Variants in XPNPEP1 observed in about 807,000 individuals in gnomAD.
XPNPEP1 encodes X-prolyl aminopeptidase 1, also known as xaa-Pro aminopeptidase 1.
A neutral mutation model predicts 92.4 loss-of-function variants in XPNPEP1; 39 were observed. That is an observed-to-expected ratio of 0.42 (90% CI 0.33 to 0.55). XPNPEP1 has a LOEUF of 0.55. Ranked by LOEUF, XPNPEP1 falls within the 20% of genes least tolerant of loss-of-function variation. The pLI, the probability that XPNPEP1 is intolerant of heterozygous loss-of-function variation, is 0.08. For synonymous variants in XPNPEP1, 307 were observed against 299.4 expected (o/e 1.03, Z -0.26); for missense variants, 654 against 856.1 (o/e 0.76, Z 2.95).
intron 7 of XPNPEP1, among the ~76,000 whole-genome samples, chr10:109,886,825 C>G (rs1410660101): frequency 6.6e-6 from 1 of 152,222 alleles, no homozygotes; most frequent in Non-Finnish European, 1.5e-5. Context: ...GTCAGGGGAA[C>G]AGCACCCACC....
At chr10:109,901,578 T>G (rs2133493856) in intron 3 of XPNPEP1, among the ~76,000 whole-genome samples, 1 of 152,322 alleles carries the variant, frequency 6.6e-6, no homozygotes, top group East Asian at 1.9e-4. Context: ...ACACTTTAAG[T>G]AAACTTACAT....
chr10:109,878,131 C>T (rs1847886628), intron 12 of XPNPEP1, 73 bp from the exon 13 acceptor site: 3 of 1,566,308 alleles, frequency 1.9e-6, no homozygotes, highest in African/African-American at 2.7e-5. Context: ...AGAGGAGGTA[C>T]ATTAAAAGCT....
Position 109,871,814 on chromosome 10 carries a change from G to A in XPNPEP1, c.1500C>T (p.Ala500=), listed in dbSNP as rs748547667. 2.4e-5 allele frequency: 38 copies of A among 1,614,004 alleles called. No individual in the cohort carries two copies. The highest frequency in any genetic ancestry group is 1.3e-4 in the East Asian group (6 of 44,904). ...TACCTTTGGTTCCAGTCGGGAAAACGGCTGCACTCACAGCTATGTGGCCCT... is the reference window on the plus strand; with the variant it reads ...TACCTTTGGTTCCAGTCGGGAAAACAGCTGCACTCACAGCTATGTGGCCCT... ...VLKGHIAVSA[A]VFPTGTKGHL... The change falls in exon 17 of 21, where the codon GCC becomes GCT. Residue 500 remains alanine (A), a synonymous_variant. Transcript: ENST00000502935.
chr10:109,875,037 T>C (rs1013732914), intron 15 of XPNPEP1, among the ~76,000 whole-genome samples: 1 of 152,158 alleles, frequency 6.6e-6, no homozygotes, highest in Admixed American at 6.5e-5. Flanking sequence ...CCCAACCAAA[T>C]CTTGGGTTCT....
At chr10:109,916,495 C>T (rs61881575) in intron 1 of XPNPEP1, among the ~76,000 whole-genome samples, 5,611 of 152,182 alleles carry the variant, frequency 0.037, 149 homozygotes, top group Middle Eastern at 0.12. Flanking sequence ...ATAATTTAAC[C>T]GCATTTTTAC....
At chr10:109,909,196 G>A (rs549772040) in intron 2 of XPNPEP1, among the ~76,000 whole-genome samples, 6 of 151,978 alleles carry the variant, frequency 3.9e-5, no homozygotes, top group Non-Finnish European at 5.9e-5. Flanking sequence ...GCGTGAACCC[G>A]GGAGGCAGAG....
At chr10:109,919,280 A>G (rs981585519) in intron 1 of XPNPEP1, among the ~76,000 whole-genome samples, 1 of 152,238 alleles carries the variant, frequency 6.6e-6, no homozygotes, top group African/African-American at 2.4e-5. Flanking sequence ...ATTATAACTC[A>G]ACAATAAAAA....
At chr10:109,900,169 C>A (rs538197506) in intron 3 of XPNPEP1, among the ~76,000 whole-genome samples, 1 of 152,096 alleles carries the variant, frequency 6.6e-6, no homozygotes. Context: ...CAGGGAACAG[C>A]GTGTGGGTGT....
In XPNPEP1 at chr10:109,923,509, G is replaced by A. The variant is rs1276637413; in HGVS notation, c.-76C>T. ...CACCCGCGGAAGGGCCGGCGCGAAG[G>A]AGGCGCGAGAGCCGGCGGGCGGGCG... On this transcript the variant is annotated 5_prime_UTR_variant, in exon 1 of 21. Coordinates refer to ENST00000502935, the MANE Select transcript of XPNPEP1 (RefSeq NM_020383.4). 8 of 1,208,944 alleles carry A rather than the reference G, an allele frequency of 6.6e-6. No homozygotes were observed. The highest frequency in any genetic ancestry group is 4.4e-5 in the Admixed American group (1 of 22,758). The allele number at this position is 1,208,944 out of a possible 1,614,324, so 74.9% of individuals were successfully genotyped here.
chr10:109,870,906 T>C lies in XPNPEP1; in HGVS notation c.1523-2A>G. ...GGGCAAAGGAGTCAAGAAGGTGACC[T>C]GAAAGACATAAAGAGCCACTTAATT... On this transcript the variant is annotated splice_acceptor_variant, in intron 17 of 20. Transcript: ENST00000502935. LOFTEE classifies it high-confidence loss of function. 1 of 1,612,912 alleles carries C rather than the reference T, an allele frequency of 6.2e-7. No homozygotes were observed.
intron 1 of XPNPEP1, among the ~76,000 whole-genome samples, chr10:109,922,121 G>A (rs773688969): frequency 1.3e-5 from 2 of 152,150 alleles, no homozygotes; most frequent in Non-Finnish European, 2.9e-5. Context: ...TTCCATTACC[G>A]AAACTGAAAG....
At chr10:109,872,495 G>T (rs191252196) in intron 16 of XPNPEP1, among the ~76,000 whole-genome samples, 2 of 152,220 alleles carry the variant, frequency 1.3e-5, no homozygotes, top group African/African-American at 4.8e-5. Flanking sequence ...TCCTCAGCCT[G>T]GTTGAGCTCT....
chr10:109,904,474 G>A (rs536209378), intron 3 of XPNPEP1, among the ~76,000 whole-genome samples: 6 of 151,670 alleles, frequency 4.0e-5, no homozygotes, highest in East Asian at 1.9e-4. Context: ...CTCCCACCCC[G>A]CCCCTGAAAT....
chr10:109,890,528 A>T (rs1453445043), intron 5 of XPNPEP1, among the ~76,000 whole-genome samples: 2 of 150,698 alleles, frequency 1.3e-5, no homozygotes, highest in South Asian at 4.2e-4. Flanking sequence ...CATTTATAAC[A>T]GCCAGCTTCA....
chr10:109,893,163 G>A (rs1233394841), intron 3 of XPNPEP1, 88 bp from the exon 4 acceptor site: 2 of 1,268,466 alleles, frequency 1.6e-6, no homozygotes, highest in Non-Finnish European at 2.2e-6. Flanking sequence ...GGCTCAGCGG[G>A]GACTATGAAG....
At chr10:109,873,556 C>A in intron 15 of XPNPEP1, 129 bp from the exon 16 acceptor site, 2 of 1,071,190 alleles carry the variant, frequency 1.9e-6, no homozygotes, top group South Asian at 1.4e-5. Context: ...GCACAGCCAT[C>A]TTTGCAAATA....
intron 3 of XPNPEP1, among the ~76,000 whole-genome samples, chr10:109,900,170 G>A (rs957696228): frequency 8.5e-5 from 13 of 152,174 alleles, no homozygotes; most frequent in African/African-American, 2.7e-4. Flanking sequence ...AGGGAACAGC[G>A]TGTGGGTGTG....
At chr10:109,900,265 G>A (rs1238907157) in intron 3 of XPNPEP1, among the ~76,000 whole-genome samples, 1 of 152,250 alleles carries the variant, frequency 6.6e-6, no homozygotes, top group East Asian at 1.9e-4. Flanking sequence ...CCCAGCCGTA[G>A]GAGAAACTCC....
chr10:109,907,544 G>A (rs1169485208), intron 3 of XPNPEP1, 147 bp downstream of exon 3: 1 of 1,242,568 alleles, frequency 8.0e-7, no homozygotes, highest in African/African-American at 1.5e-5. Flanking sequence ...CATTCAGTGA[G>A]ACCTATTGGA....
Sources: allele counts gnomAD v4.1 joint callset (sites outside exome capture counted in the v4.1 genomes callset), GRCh38; gene constraint gnomAD v4.1.1; transcripts MANE v1.5; gene names NCBI Gene and HGNC (gene_info 2026-07-23, HGNC 2026-07-21).